The following USP54 variants were observed in gnomAD, a reference collection of about 807,000 sequenced individuals.
USP54 encodes ubiquitin specific peptidase 54.
Under a neutral mutation model 170.5 loss-of-function variants are expected in USP54, and 87 were observed. The observed-to-expected ratio is 0.51, with a 90% CI of 0.43 to 0.61. The LOEUF is 0.61. Among genes scored for constraint, USP54 ranks in the 20% least tolerant of loss-of-function variants. The pLI is 0.00. For missense variants in USP54, 1,786 were observed against 2,047.8 expected, an observed-to-expected ratio of 0.87 and a Z score of 2.47; for synonymous variants, 655 against 742.8, an observed-to-expected ratio of 0.88 and a Z score of 1.92.
intron 20 of USP54, chr10:73,506,947 C>G (rs1453004215): frequency 6.6e-6 from 1 of 151,982 alleles, no homozygotes; most frequent in Non-Finnish European, 1.5e-5. Context: ...TTTCTACTGA[C>G]ATAATTTATA....
intron 9 of USP54, among the ~76,000 whole-genome samples, chr10:73,541,091 T>A (rs1259995708): frequency 1.3e-5 from 2 of 152,164 alleles, no homozygotes; most frequent in Admixed American, 6.6e-5. Flanking sequence ...ATATAATAAC[T>A]CTTTGAATTA....
intron 1 of USP54, among the ~76,000 whole-genome samples, chr10:73,585,608 T>C (rs976016566): frequency 3.9e-5 from 6 of 152,172 alleles, no homozygotes; most frequent in East Asian, 1.9e-4. Flanking sequence ...GGCCCCAACA[T>C]TGGGGATCAC....
intron 4 of USP54, among the ~76,000 whole-genome samples, chr10:73,549,998 A>C (rs998612618): frequency 6.6e-6 from 1 of 150,854 alleles, no homozygotes; most frequent in Non-Finnish European, 1.5e-5. Flanking sequence ...ATCTCGGCTC[A>C]CTGTAACCTC....
chr10:73,594,416 C>CTTTTTGT (rs1374720114), upstream of USP54, among the ~76,000 whole-genome samples: 1 of 151,484 alleles, frequency 6.6e-6, no homozygotes, highest in African/African-American at 2.4e-5. Flanking sequence ...AATTTGGGAA[C>CTTTTTGT]TTTTTAAGAG....
At chr10:73,608,592 G>C (rs535797330) in intron 1 of USP54, among the ~76,000 whole-genome samples, 8 of 152,190 alleles carry the variant, frequency 5.3e-5, no homozygotes, top group African/African-American at 1.9e-4. Flanking sequence ...GGGAAGTGAG[G>C]TTCAAAAACA....
intron 4 of USP54, chr10:73,546,604 G>A (rs943875245): frequency 3.9e-5 from 6 of 151,978 alleles, no homozygotes; most frequent in Admixed American, 2.6e-4. Context: ...AAAATTGCTG[G>A]GATTACAGAC....
chr10:73,564,112 C>T (rs1231473639), intron 4 of USP54, among the ~76,000 whole-genome samples: 1 of 152,142 alleles, frequency 6.6e-6, no homozygotes, highest in Non-Finnish European at 1.5e-5. Flanking sequence ...AGTGAACCTC[C>T]TGCCTCAGCC....
At chr10:73,561,104 CAAAAA>C (rs919887025) in intron 4 of USP54, among the ~76,000 whole-genome samples, 1 of 30,492 alleles carries the variant, frequency 3.3e-5, no homozygotes. Flanking sequence ...GACTCCATCT[CAAAAA>C]AAAAAAAAAA....
At chr10:73,592,296 T>C (rs896631484), upstream of USP54, among the ~76,000 whole-genome samples, 1 of 152,098 alleles carries the variant, frequency 6.6e-6, no homozygotes. Context: ...TGAAGGTCTG[T>C]TGTGTTTCTA....
chr10:73,623,303 T>C (rs145336638), intron 1 of USP54, among the ~76,000 whole-genome samples: 2,090 of 152,216 alleles, frequency 0.014, 19 homozygotes, highest in Non-Finnish European at 0.023. Flanking sequence ...GGAGGAAAGC[T>C]TGGGCCCAGG....
In USP54 at chr10:73,498,992, A is replaced by T; in HGVS notation, c.4692T>A (p.Pro1564=). Residue 1564 remains proline, a synonymous_variant, in exon 24 of 24, where the codon CCT becomes CCA. Coordinates refer to ENST00000687698, the MANE Select transcript of USP54 (RefSeq NM_001391956.1). ...TRFLTTPGCN[P]QLTYTATLPE... ...GTAGTGTGGCAGTGTAGGTTAGTTG[A>T]GGATTGCACCCTGGAGTAGTCAGGA... The T allele has an allele frequency of 6.2e-7, 1 of 1,614,096 alleles. No homozygotes were observed. The highest frequency in any genetic ancestry group is 8.5e-7 in the Non-Finnish European group (1 of 1,180,016).
chr10:73,545,479 T>C, intron 5 of USP54, 59 bp downstream of exon 5: 3 of 1,598,182 alleles, frequency 1.9e-6, no homozygotes, highest in South Asian at 1.1e-5. Context: ...AGCCAGTCCC[T>C]GATGGAGACC....
chr10:73,625,339 G>A (rs909213492), intron 1 of USP54, among the ~76,000 whole-genome samples: 1 of 151,400 alleles, frequency 6.6e-6, no homozygotes, highest in Non-Finnish European at 1.5e-5. Context: ...CGCATCTCAA[G>A]AGTGTCCGTG....
Position 73,541,655 on chromosome 10 carries a change from A to G in USP54, c.656T>C (p.Met219Thr). 4 of 1,614,062 alleles carry G rather than the reference A, an allele frequency of 2.5e-6. No individual in the cohort carries two copies. The highest frequency in any genetic ancestry group is 1.6e-4 in the Middle Eastern group (1 of 6,062). The change falls in exon 8 of 24, where the codon ATG (methionine) becomes ACG (threonine). Residue 219 changes from methionine to threonine, a missense_variant. Coordinates refer to ENST00000687698, the MANE Select transcript of USP54 (RefSeq NM_001391956.1). ...CACTGGACAGTTCCGCAGATCCCCC[A>G]TGGTGCTGGCATTCTGCAGCAGCTC... The part of the protein sequence containing the change: ...FGELLQNAST[M>T]GDLRNCPSNC...
chr10:73,619,930 G>T (rs2080951443), intron 1 of USP54, among the ~76,000 whole-genome samples: 1 of 150,498 alleles, frequency 6.6e-6, no homozygotes, highest in Admixed American at 6.6e-5. Flanking sequence ...ATATAACTTG[G>T]CAATGTGGTA....
intron 20 of USP54, among the ~76,000 whole-genome samples, chr10:73,516,119 T>C (rs1233998624): frequency 6.6e-6 from 1 of 152,114 alleles, no homozygotes; most frequent in Non-Finnish European, 1.5e-5. Context: ...GGAGAAGCCA[T>C]GGGCAAATAC....
chr10:73,556,547 T>C (rs1006015766), intron 4 of USP54, among the ~76,000 whole-genome samples: 1 of 152,054 alleles, frequency 6.6e-6, no homozygotes, highest in African/African-American at 2.4e-5. Context: ...GGTTTCACCA[T>C]CTTGGCCAGG....
intron 1 of USP54, among the ~76,000 whole-genome samples, chr10:73,602,262 T>C (rs1196072200): frequency 6.6e-6 from 1 of 151,976 alleles, no homozygotes; most frequent in Non-Finnish European, 1.5e-5. Flanking sequence ...CATGAAAAAA[T>C]AGTATAATAG....
chr10:73,523,487 G>C, intron 17 of USP54, 96 bp downstream of exon 17: 1 of 1,392,326 alleles, frequency 7.2e-7, no homozygotes. Context: ...AAATTATTTT[G>C]CTAAAGAGAA....
Sources: gnomAD v4.1 joint callset for allele counts (sites outside exome capture counted in the v4.1 genomes callset) on GRCh38, gnomAD v4.1.1 for gene constraint, MANE v1.5 for transcripts, NCBI Gene and HGNC (gene_info 2026-07-23, HGNC 2026-07-21) for gene names.